Variants in PRKN observed in about 807,000 individuals in gnomAD.
PRKN encodes the protein E3 ubiquitin-protein ligase parkin.
A neutral mutation model predicts 59.5 loss-of-function variants in PRKN; 56 were observed. That is an observed-to-expected ratio of 0.94 (90% CI 0.76 to 1.18). The LOEUF (loss-of-function observed/expected upper bound fraction) is 1.18. PRKN is among the 50% of genes most tolerant of loss of function. The pLI is 0.00. For synonymous variants in PRKN, 250 were observed against 222.1 expected (o/e 1.13, Z -1.12); for missense variants, 657 against 596.4 (o/e 1.10, Z -1.06).
intron 6 of PRKN, among the ~76,000 whole-genome samples, chr6:161,840,598 C>G (rs992665409): frequency 2.6e-5 from 4 of 152,032 alleles, no homozygotes; most frequent in Non-Finnish European, 5.9e-5. Flanking sequence ...TCTCCCTCCT[C>G]CCACCCTCCA....
rs1779608802 is a variant in PRKN at position 162,255,571 on chromosome 6, T to G, written c.412+6954A>C. Among the ~76,000 whole-genome samples the G allele has an allele frequency of 7.9e-5, 12 of 152,256 alleles. No homozygotes were observed. The South Asian group carries it at 2.5e-3, about 32-fold the overall frequency. On this transcript the variant is annotated intron_variant, in intron 3 of 11. Coordinates refer to ENST00000366898, the MANE Select transcript of PRKN (RefSeq NM_004562.3). ...TTCTGCATTTCTGATAAACTCCCAA[T>G]TGCTGCTGCTGGCCCACAGATCACA...
At chr6:161,455,042 GTT>G (rs756139399) in intron 9 of PRKN, among the ~76,000 whole-genome samples, 3 of 141,484 alleles carry the variant, frequency 2.1e-5, no homozygotes, top group Admixed American at 7.1e-5. Flanking sequence ...TTTGACACGT[GTT>G]TTTTTTTTTT....
intron 4 of PRKN, among the ~76,000 whole-genome samples, chr6:162,134,557 T>C (rs1227165095): frequency 6.6e-6 from 1 of 152,168 alleles, no homozygotes; most frequent in East Asian, 1.9e-4. Context: ...ATGGAATTTA[T>C]TTAACTAGAA....
chr6:162,092,080 G>A (rs1779519941), intron 4 of PRKN, among the ~76,000 whole-genome samples: 1 of 152,114 alleles, frequency 6.6e-6, no homozygotes, highest in Non-Finnish European at 1.5e-5. Flanking sequence ...AATAGGCCAG[G>A]TGCAGTGGCT....
chr6:162,111,616 G>A (rs1780443271), intron 4 of PRKN, among the ~76,000 whole-genome samples: 1 of 152,076 alleles, frequency 6.6e-6, no homozygotes, highest in South Asian at 2.1e-4. Flanking sequence ...GAGAAGGAAG[G>A]CAAGTGGGTC....
chr6:161,791,352 G>A (rs761929090), intron 6 of PRKN, among the ~76,000 whole-genome samples: 17 of 152,172 alleles, frequency 1.1e-4, no homozygotes. Flanking sequence ...GTTACACAGT[G>A]TTCCAAATAT....
At chr6:162,417,990 G>A (rs1287209593) in intron 2 of PRKN, among the ~76,000 whole-genome samples, 7 of 152,154 alleles carry the variant, frequency 4.6e-5, no homozygotes, top group African/African-American at 1.2e-4. Flanking sequence ...ACATGACCCG[G>A]CAATTCTACT....
intron 7 of PRKN, among the ~76,000 whole-genome samples, chr6:161,765,132 TA>T (rs760924180): frequency 2.6e-5 from 4 of 152,262 alleles, no homozygotes; most frequent in Admixed American, 6.5e-5. Context: ...TAAGTGTTAT[TA>T]TCCCCAAAAA....
At chr6:162,141,897 G>A (rs1318097888) in intron 4 of PRKN, among the ~76,000 whole-genome samples, 2 of 152,110 alleles carry the variant, frequency 1.3e-5, no homozygotes, top group Non-Finnish European at 2.9e-5. Context: ...TTATTTGTGT[G>A]TTATCTGTTC....
chr6:162,573,011 A>G (rs1780410612), intron 1 of PRKN, among the ~76,000 whole-genome samples: 1 of 152,230 alleles, frequency 6.6e-6, no homozygotes, highest in African/African-American at 2.4e-5. Flanking sequence ...CTTAATTGCC[A>G]GACATACAGA....
chr6:162,617,434 G>A (rs941986977), intron 1 of PRKN, among the ~76,000 whole-genome samples: 42 of 152,212 alleles, frequency 2.8e-4, no homozygotes, highest in Admixed American at 1.5e-3. Flanking sequence ...GTTTCACCAT[G>A]TTGGCCAGGC....
intron 4 of PRKN, among the ~76,000 whole-genome samples, chr6:162,083,158 T>C (rs1422379465): frequency 1.3e-5 from 2 of 152,010 alleles, no homozygotes; most frequent in African/African-American, 2.4e-5. Context: ...TTTTTCCATA[T>C]TGGCCAGGCT....
At chr6:162,211,672 G>A (rs1289751579) in intron 3 of PRKN, among the ~76,000 whole-genome samples, 1 of 152,042 alleles carries the variant, frequency 6.6e-6, no homozygotes, top group African/African-American at 2.4e-5. Flanking sequence ...AATATAATTA[G>A]TTTTGTATAA....
chr6:162,289,363 G>A (rs1781327328), intron 2 of PRKN, among the ~76,000 whole-genome samples: 1 of 152,052 alleles, frequency 6.6e-6, no homozygotes, highest in East Asian at 1.9e-4. Flanking sequence ...GTAAAGACCT[G>A]ATCTCTCCAA....
chr6:162,225,273 G>A (rs1188980013), intron 3 of PRKN, among the ~76,000 whole-genome samples: 1 of 152,116 alleles, frequency 6.6e-6, no homozygotes, highest in Non-Finnish European at 1.5e-5. Flanking sequence ...ATCCATGACT[G>A]TAAATACCTT....
At chr6:161,555,445 C>A (rs749594491) in intron 8 of PRKN, among the ~76,000 whole-genome samples, 1 of 152,120 alleles carries the variant, frequency 6.6e-6, no homozygotes, top group Non-Finnish European at 1.5e-5. Flanking sequence ...GAAATTAGTT[C>A]TCCTGAAATT....
chr6:161,875,078 T>A (rs1794676661), intron 6 of PRKN, among the ~76,000 whole-genome samples: 2 of 95,472 alleles, frequency 2.1e-5, no homozygotes. Context: ...ATATATAAAG[T>A]ATATATGATA....
chr6:161,632,232 T>C (rs1783342257), intron 7 of PRKN, among the ~76,000 whole-genome samples: 1 of 152,214 alleles, frequency 6.6e-6, no homozygotes, highest in Admixed American at 6.5e-5. Context: ...TTTTTGTTCA[T>C]TAGCATAGAT....
At chr6:162,610,177 T>C (rs547643310) in intron 1 of PRKN, among the ~76,000 whole-genome samples, 1 of 152,292 alleles carries the variant, frequency 6.6e-6, no homozygotes, top group African/African-American at 2.4e-5. Context: ...AACAACCCTG[T>C]GTGCTAAGCA....
Sources: allele counts gnomAD v4.1 joint callset (sites outside exome capture counted in the v4.1 genomes callset), GRCh38; gene constraint gnomAD v4.1.1; transcripts MANE v1.5; gene names NCBI Gene and HGNC (gene_info 2026-07-23, HGNC 2026-07-21).